Variants in MED12L observed in about 807,000 individuals in gnomAD.
The protein encoded by MED12L is mediator of RNA polymerase II transcription subunit 12-like protein.
Under a neutral mutation model 281.3 loss-of-function variants are expected in MED12L, and 60 were observed. The observed-to-expected ratio is 0.21, with a 90% confidence interval of 0.17 to 0.26. The LOEUF (loss-of-function observed/expected upper bound fraction) is 0.26. Ranked by LOEUF, MED12L falls within the 10% of genes least tolerant of loss-of-function variation. The pLI, the probability that MED12L is intolerant of heterozygous loss-of-function variation, is 1.00. For synonymous variants in MED12L, 974 were observed against 987.2 expected (o/e 0.99, Z 0.25); for missense variants, 2,146 against 2,680.9 (o/e 0.80, Z 4.41).
chr3:151,426,646 C>T (rs967874170), intron 43 of MED12L, among the ~76,000 whole-genome samples: 3 of 151,928 alleles, frequency 2.0e-5, no homozygotes, highest in Admixed American at 1.3e-4. Flanking sequence ...TATTGCAGAC[C>T]CAAAGAGCTT....
chr3:151,107,280 C>T (rs1722196498), intron 2 of MED12L, among the ~76,000 whole-genome samples: 1 of 152,112 alleles, frequency 6.6e-6, no homozygotes, highest in South Asian at 2.1e-4. Flanking sequence ...CAGAAGCTTA[C>T]CACTGTAAGA....
intron 31 of MED12L, among the ~76,000 whole-genome samples, chr3:151,379,245 C>G (rs1335055368): frequency 6.6e-6 from 1 of 152,152 alleles, no homozygotes; most frequent in African/African-American, 2.4e-5. Context: ...GCCTAACTTC[C>G]CATAGGCAGG....
chr3:151,389,585 C>G (rs1713913420), intron 37 of MED12L, among the ~76,000 whole-genome samples: 1 of 152,180 alleles, frequency 6.6e-6, no homozygotes, highest in Non-Finnish European at 1.5e-5. Flanking sequence ...GTAGGGCTCT[C>G]TGGCGTAATT....
intron 16 of MED12L, among the ~76,000 whole-genome samples, chr3:151,293,620 G>C (rs866260560): frequency 1.7e-3 from 42 of 24,100 alleles, no homozygotes; most frequent in East Asian, 3.2e-3. Flanking sequence ...CACACACACG[G>C]TCCTAAAATG....
chr3:151,179,048 A>G (rs1282994140), intron 11 of MED12L, among the ~76,000 whole-genome samples: 1 of 152,218 alleles, frequency 6.6e-6, no homozygotes, highest in Non-Finnish European at 1.5e-5. Flanking sequence ...TATTCTAAAA[A>G]TGAGTTTTTG....
rs1720032147 is a variant in MED12L, at chr3:151,435,386, G to GCATAT, written c.*2583_*2584insATATC. On this transcript the variant is annotated 3_prime_UTR_variant, in exon 45 of 45. Transcript: ENST00000687756. ...TGGCCTGGAAGTAGAGGAGATCAAT[G>GCATAT]CGTAGCTTTGACCACTTCCAGCCAC... is the stretch of plus-strand genomic sequence containing the variant. 1 of 137,010 alleles carries GCATAT rather than the reference G, an allele frequency of 7.3e-6. No individual in the cohort carries two copies. Among genetic ancestry groups the GCATAT allele is most frequent in the Admixed American group, 7.6e-5 (1 of 13,122 alleles). 8.5% of individuals were successfully genotyped at this position (137,010 alleles called of 1,614,324 possible). A position where few individuals can be genotyped will look rare whatever the true frequency, so the allele number is the denominator to read the frequency against.
chr3:151,281,087 T>A (rs1361930282), intron 16 of MED12L, among the ~76,000 whole-genome samples: 1 of 151,944 alleles, frequency 6.6e-6, no homozygotes, highest in Admixed American at 6.6e-5. Flanking sequence ...CTTCATATGT[T>A]TTTGAAATTA....
At chr3:151,260,751 C>T (rs943509043) in intron 16 of MED12L, among the ~76,000 whole-genome samples, 9 of 152,230 alleles carry the variant, frequency 5.9e-5, no homozygotes, top group Admixed American at 5.2e-4. Context: ...GTATTTGGAC[C>T]TAGTCTTTAA....
chr3:151,146,566 C>G (rs576632643), intron 5 of MED12L, among the ~76,000 whole-genome samples: 1 of 152,156 alleles, frequency 6.6e-6, no homozygotes, highest in East Asian at 1.9e-4. Context: ...CTTGAGCTGC[C>G]TACTTGATCC....
At chr3:151,221,126 C>G (rs1295730751) in intron 16 of MED12L, among the ~76,000 whole-genome samples, 1 of 152,104 alleles carries the variant, frequency 6.6e-6, no homozygotes, top group Non-Finnish European at 1.5e-5. Flanking sequence ...TTTGCCCCTA[C>G]CCTAGAGATT....
intron 2 of MED12L, among the ~76,000 whole-genome samples, chr3:151,110,539 G>GA (rs1165443181): frequency 6.6e-6 from 1 of 152,172 alleles, no homozygotes; most frequent in Non-Finnish European, 1.5e-5. Flanking sequence ...GAAACTTCAG[G>GA]AAATAGACCA....
At chr3:151,148,658 A>C (rs1361635302) in intron 5 of MED12L, among the ~76,000 whole-genome samples, 1 of 152,224 alleles carries the variant, frequency 6.6e-6, no homozygotes, top group Non-Finnish European at 1.5e-5. Context: ...ATCACCTTAA[A>C]GATTTGCTCC....
chr3:151,138,106 C>T (rs112780878), intron 5 of MED12L, among the ~76,000 whole-genome samples: 4 of 152,066 alleles, frequency 2.6e-5, no homozygotes, highest in African/African-American at 9.6e-5. Flanking sequence ...TATGCAAATA[C>T]TTATATCTTC....
In MED12L at chr3:151,085,883, G is replaced by C. The variant is rs1343286728; in HGVS notation, c.-183G>C. 1 of 152,020 alleles carries C rather than the reference G, an allele frequency of 6.6e-6. No individual in the cohort carries two copies. The highest frequency in any genetic ancestry group is 2.4e-5 in the African/African-American group (1 of 41,408). 9.4% of individuals were successfully genotyped at this position (152,020 alleles called of 1,614,324 possible). A position where few individuals can be genotyped will look rare whatever the true frequency, so the allele number is the denominator to read the frequency against. On this transcript the variant is annotated 5_prime_UTR_variant, in exon 1 of 45. Coordinates refer to ENST00000687756, the MANE Select transcript of MED12L (RefSeq NM_001393769.1). ...CAACCCGAATGATGGAGGCTGCGGC[G>C]GCCGGAGTGACCCCGCCGCCGCCAG...
chr3:151,110,057 C>T (rs1711635115), intron 2 of MED12L, among the ~76,000 whole-genome samples: 1 of 152,080 alleles, frequency 6.6e-6, no homozygotes, highest in Admixed American at 6.5e-5. Context: ...GGAAAGGCGT[C>T]GTAAGAATTT....
intron 16 of MED12L, among the ~76,000 whole-genome samples, chr3:151,277,179 C>T (rs1742011139): frequency 6.6e-6 from 1 of 151,158 alleles, no homozygotes; most frequent in Non-Finnish European, 1.5e-5. Context: ...GCTGGGATTA[C>T]AGGTGTGAGC....
chr3:151,137,172 G>GA (rs776196596), intron 5 of MED12L, among the ~76,000 whole-genome samples: 30,807 of 125,486 alleles, frequency 0.25, 3,689 homozygotes, highest in African/African-American at 0.38. Context: ...AAAAAAAAAA[G>GA]AAAAAAAAAA....
At chr3:151,324,149 TGCTTCA>T (rs1749308662) in intron 16 of MED12L, among the ~76,000 whole-genome samples, 1 of 152,250 alleles carries the variant, frequency 6.6e-6, no homozygotes, top group Non-Finnish European at 1.5e-5. Flanking sequence ...GTTTACTTTG[TGCTTCA>T]GTTTTGTTCC....
intron 16 of MED12L, among the ~76,000 whole-genome samples, chr3:151,306,982 T>A (rs1235117997): frequency 2.0e-5 from 3 of 152,202 alleles, no homozygotes; most frequent in Non-Finnish European, 4.4e-5. Flanking sequence ...GATCTGAAGG[T>A]TTATTTTGCC....
Sources: gnomAD v4.1 joint callset for allele counts (sites outside exome capture counted in the v4.1 genomes callset) on GRCh38, gnomAD v4.1.1 for gene constraint, MANE v1.5 for transcripts, NCBI Gene and HGNC (gene_info 2026-07-23, HGNC 2026-07-21) for gene names.